Variants in EHMT1 observed in about 807,000 individuals in gnomAD.
EHMT1 encodes histone-lysine N-methyltransferase EHMT1.
In EHMT1, 15 loss-of-function variants were observed where a neutral mutation model predicts 147.2. That is an observed-to-expected ratio of 0.10 (90% confidence interval 0.07 to 0.16). EHMT1 has a LOEUF of 0.16. Ranked by LOEUF, EHMT1 falls within the 10% of genes least tolerant of loss-of-function variation. The pLI, the probability that EHMT1 is intolerant of heterozygous loss-of-function variation, is 1.00. For synonymous variants in EHMT1, 795 were observed against 709.6 expected (o/e 1.12, Z -1.91); for missense variants, 1,587 against 1,772.4 (o/e 0.90, Z 1.88).
chr9:137,794,590 TGAG>T (rs1238646663), intron 16 of EHMT1, among the ~76,000 whole-genome samples: 1 of 147,736 alleles, frequency 6.8e-6, no homozygotes. Flanking sequence ...GAGGCTACAG[TGAG>T]CTGGATTAGC....
intron 1 of EHMT1, among the ~76,000 whole-genome samples, chr9:137,676,726 G>T (rs1220207883): frequency 6.6e-6 from 1 of 152,214 alleles, no homozygotes; most frequent in Non-Finnish European, 1.5e-5. Context: ...TGGAGCCACA[G>T]GGGACTGGAG....
Position 137,787,910 on chromosome 9 carries a change from T to G in EHMT1, c.2383-2938T>G. ...GCATTACCACATTGGGAGTGTAGATTGGCAAGTAGGAGGTGGGCAGCTGCC... is the reference window on the plus strand; with the variant it reads ...GCATTACCACATTGGGAGTGTAGATGGGCAAGTAGGAGGTGGGCAGCTGCC... On this transcript the variant is annotated intron_variant, in intron 15 of 26. Coordinates refer to ENST00000460843, the MANE Select transcript of EHMT1 (RefSeq NM_024757.5). The surrounding 1 kb of genome is among the most constrained non-coding windows in gnomAD (Gnocchi z 4.2). 6.8e-7 allele frequency: 1 copy of G among 1,466,650 alleles called. No homozygotes were observed. The highest frequency in any genetic ancestry group is 1.4e-5 in the African/African-American group (1 of 71,338). The allele number at this position is 1,466,650 out of a possible 1,614,324, so 90.9% of individuals were successfully genotyped here.
chr9:137,635,373 A>T (rs185674211), intron 1 of EHMT1, among the ~76,000 whole-genome samples: 5,238 of 144,384 alleles, frequency 0.036, 147 homozygotes, highest in South Asian at 0.15. Context: ...CGCCCAGCTA[A>T]TTTTTTTTTT....
chr9:137,770,243 T>G (rs1363902895), intron 10 of EHMT1, among the ~76,000 whole-genome samples: 1 of 152,202 alleles, frequency 6.6e-6, no homozygotes, highest in Non-Finnish European at 1.5e-5. Flanking sequence ...CCTCCTCTTT[T>G]TTTCTCCTTC....
rs763745877 is a variant in EHMT1, at chr9:137,710,954, T to C, written c.22-13T>C. The C allele has an allele frequency of 1.3e-6, 2 of 1,593,008 alleles. No individual in the cohort carries two copies. Among genetic ancestry groups the C allele is most frequent in the South Asian group, 2.3e-5 (2 of 87,230 alleles). On this transcript the variant is annotated splice_polypyrimidine_tract_variant and intron_variant, in intron 1 of 26. Transcript: ENST00000460843. ...ACTGAACCCGGCTGACGGCTGTTGT[T>C]TCTCTCTAACAGGCAGTTCCGGCGA... is the stretch of plus-strand genomic sequence containing the variant.
intron 3 of EHMT1, among the ~76,000 whole-genome samples, chr9:137,724,951 CGT>C (rs1491083964): frequency 2.1e-5 from 3 of 143,364 alleles, no homozygotes; most frequent in Non-Finnish European, 3.0e-5. Flanking sequence ...GTGGGGCAGG[CGT>C]GTGGCATTCA....
chr9:137,643,162 G>T (rs1393185751), intron 1 of EHMT1, among the ~76,000 whole-genome samples: 1 of 152,032 alleles, frequency 6.6e-6, no homozygotes, highest in African/African-American at 2.4e-5. Context: ...GCGGTTGCAG[G>T]CATGAGCCAC....
chr9:137,707,227 G>C (rs768556166), intron 1 of EHMT1, among the ~76,000 whole-genome samples: 5 of 152,230 alleles, frequency 3.3e-5, no homozygotes, highest in East Asian at 1.9e-4. Flanking sequence ...CGCTGCTTGG[G>C]GGGGCTGGTC....
At chr9:137,761,429 CA>C (rs1949804467) in intron 9 of EHMT1, among the ~76,000 whole-genome samples, 1 of 152,202 alleles carries the variant, frequency 6.6e-6, no homozygotes, top group African/African-American at 2.4e-5. Context: ...TTTACTTTAA[CA>C]CTATATTTTT....
intron 1 of EHMT1, among the ~76,000 whole-genome samples, chr9:137,619,752 G>C (rs903068027): frequency 6.6e-6 from 1 of 152,000 alleles, no homozygotes; most frequent in African/African-American, 2.4e-5. Context: ...GGCCTTCCCC[G>C]TGCTCATTCT....
chr9:137,670,575 CCTTCTGA>C, intron 1 of EHMT1, among the ~76,000 whole-genome samples: 1 of 152,266 alleles, frequency 6.6e-6, no homozygotes, highest in South Asian at 2.1e-4. Context: ...GGTGCTTCTG[CCTTCTGA>C]CTTCCTCAGT....
chr9:137,707,504 C>G (rs1944366113), intron 1 of EHMT1, among the ~76,000 whole-genome samples: 1 of 152,192 alleles, frequency 6.6e-6, no homozygotes, highest in Non-Finnish European at 1.5e-5. Flanking sequence ...ACTGGGGATG[C>G]TACAGACCAG....
At chr9:137,743,794 C>A in intron 5 of EHMT1, 108 bp from the exon 6 acceptor site, 1 of 1,368,642 alleles carries the variant, frequency 7.3e-7, no homozygotes, top group South Asian at 1.3e-5. Context: ...TCCCCGCCTC[C>A]CCACAGGCCC....
intron 1 of EHMT1, among the ~76,000 whole-genome samples, chr9:137,707,047 A>G (rs1313768645): frequency 6.6e-6 from 1 of 152,026 alleles, no homozygotes; most frequent in African/African-American, 2.4e-5. Flanking sequence ...CTGGTCTCCA[A>G]CTCCTGACCT....
chr9:137,710,872 G>C, intron 1 of EHMT1, 95 bp from the exon 2 acceptor site: 1 of 1,400,212 alleles, frequency 7.1e-7, no homozygotes, highest in Non-Finnish European at 9.8e-7. Context: ...GGTGAATGTT[G>C]TAACTACGAT....
At chr9:137,753,906 C>T (rs1949179861) in intron 7 of EHMT1, among the ~76,000 whole-genome samples, 2 of 152,208 alleles carry the variant, frequency 1.3e-5, no homozygotes, top group African/African-American at 4.8e-5. Context: ...TTCTTTTATG[C>T]CAAACTCAAA....
chr9:137,818,293 CCTTGGTT>C, intron 25 of EHMT1, 155 bp downstream of exon 25: 1 of 874,524 alleles, frequency 1.1e-6, no homozygotes, highest in Non-Finnish European at 1.9e-6. Flanking sequence ...TTGGAGCTGG[CCTTGGTT>C]CTGTGCCCTG....
At chr9:137,738,322 A>G (rs2135957328) in intron 4 of EHMT1, among the ~76,000 whole-genome samples, 1 of 152,330 alleles carries the variant, frequency 6.6e-6, no homozygotes, top group Non-Finnish European at 1.5e-5. Flanking sequence ...AACGTCACTA[A>G]TCATAAGGTA....
intron 1 of EHMT1, among the ~76,000 whole-genome samples, chr9:137,692,014 A>G (rs949332229): frequency 1.3e-5 from 2 of 152,190 alleles, no homozygotes; most frequent in South Asian, 4.1e-4. Context: ...TTCACAGGAT[A>G]TTCCTGATTG....
Sources: gnomAD v4.1 joint callset for allele counts (sites outside exome capture counted in the v4.1 genomes callset) on GRCh38, gnomAD v4.1.1 for gene constraint, Gnocchi (gnomAD v3.1) non-coding constraint, MANE v1.5 for transcripts, NCBI Gene and HGNC (gene_info 2026-07-23, HGNC 2026-07-21) for gene names.